The following SORCS1 variants were observed in gnomAD, a reference collection of about 807,000 sequenced individuals.
The protein encoded by SORCS1 is VPS10 domain-containing receptor SorCS1.
SORCS1 carries 60 observed loss-of-function variants against 146.1 expected under a neutral mutation model. The observed-to-expected ratio is 0.41, with a 90% CI of 0.33 to 0.51. The LOEUF is 0.51. SORCS1 is among the 20% of genes least tolerant of loss of function. The pLI is 0.21. For synonymous variants in SORCS1, 637 were observed against 584.0 expected (o/e 1.09, Z -1.31); for missense variants, 1,352 against 1,487.6 (o/e 0.91, Z 1.50).
chr10:106,774,499 T>C (rs966224928), intron 4 of SORCS1, among the ~76,000 whole-genome samples: 1 of 151,880 alleles, frequency 6.6e-6, no homozygotes, highest in Non-Finnish European at 1.5e-5. Flanking sequence ...TTCAGCCAAA[T>C]AGAAAAATTT....
chr10:107,140,152 A>G (rs1383492668), intron 1 of SORCS1, among the ~76,000 whole-genome samples: 1 of 152,244 alleles, frequency 6.6e-6, no homozygotes, highest in Non-Finnish European at 1.5e-5. Context: ...TACCATTCAA[A>G]AAGAAAATAC....
intron 1 of SORCS1, among the ~76,000 whole-genome samples, chr10:106,957,805 A>T (rs1029954380): frequency 1.3e-5 from 2 of 152,232 alleles, no homozygotes; most frequent in African/African-American, 2.4e-5. Context: ...ACTATTTCCA[A>T]CTTTACCCAG....
At chr10:107,062,495 CAGA>C (rs1273234357) in intron 1 of SORCS1, among the ~76,000 whole-genome samples, 1 of 151,880 alleles carries the variant, frequency 6.6e-6, no homozygotes, top group African/African-American at 2.4e-5. Context: ...CTCATGAAAA[CAGA>C]AGGAGATGTA....
chr10:107,051,280 T>G (rs1452372275), intron 1 of SORCS1, among the ~76,000 whole-genome samples: 1 of 152,168 alleles, frequency 6.6e-6, no homozygotes, highest in Non-Finnish European at 1.5e-5. Flanking sequence ...GATGTAATAC[T>G]TCAGATCTTT....
chr10:107,089,651 A>G (rs1012254035), intron 1 of SORCS1, among the ~76,000 whole-genome samples: 7 of 152,234 alleles, frequency 4.6e-5, no homozygotes, highest in African/African-American at 1.7e-4. Context: ...AACAAATGAA[A>G]AAAAGGTAAA....
intron 1 of SORCS1, among the ~76,000 whole-genome samples, chr10:107,052,395 T>C (rs1052250616): frequency 6.6e-6 from 1 of 152,138 alleles, no homozygotes; most frequent in African/African-American, 2.4e-5. Context: ...AGTGGCCATA[T>C]AAATTATCAA....
intron 8 of SORCS1, among the ~76,000 whole-genome samples, chr10:106,700,975 T>C (rs1854096946): frequency 6.6e-6 from 1 of 152,198 alleles, no homozygotes; most frequent in Non-Finnish European, 1.5e-5. Flanking sequence ...TCTCTAGGTA[T>C]CTGCAGGGGG....
At chr10:106,714,544 T>C (rs1033160401) in intron 6 of SORCS1, among the ~76,000 whole-genome samples, 2 of 152,194 alleles carry the variant, frequency 1.3e-5, no homozygotes, top group Admixed American at 1.3e-4. Context: ...TTTCTGTGTA[T>C]CTAAAATTAT....
At chr10:106,940,813 G>A (rs2138741396) in intron 2 of SORCS1, among the ~76,000 whole-genome samples, 1 of 152,352 alleles carries the variant, frequency 6.6e-6, no homozygotes, top group South Asian at 2.1e-4. Flanking sequence ...GAACCCGAGA[G>A]GTGGAGGTTT....
At chr10:106,901,024 C>T (rs561095943) in intron 2 of SORCS1, among the ~76,000 whole-genome samples, 1 of 152,284 alleles carries the variant, frequency 6.6e-6, no homozygotes, top group Non-Finnish European at 1.5e-5. Flanking sequence ...AATGAAAATG[C>T]TCACATATCA....
intron 1 of SORCS1, among the ~76,000 whole-genome samples, chr10:107,161,640 G>A (rs918033805): frequency 6.6e-6 from 1 of 151,878 alleles, no homozygotes; most frequent in African/African-American, 2.4e-5. Flanking sequence ...CCACAAATAA[G>A]CAGAACTAGA....
At chr10:106,707,044 C>T (rs2135813383) in intron 7 of SORCS1, among the ~76,000 whole-genome samples, 1 of 152,256 alleles carries the variant, frequency 6.6e-6, no homozygotes, top group East Asian at 1.9e-4. Flanking sequence ...TGGAGGCTCA[C>T]ATCTCTGGGC....
chr10:106,611,912 T>C lies in SORCS1; in HGVS notation c.3032A>G (p.Glu1011Gly), dbSNP rs1291077195. 2 of 1,611,880 alleles carry C rather than the reference T, an allele frequency of 1.2e-6. No homozygotes were observed. Among genetic ancestry groups the C allele is most frequent in the East Asian group, 2.2e-5 (1 of 44,868 alleles). The change falls in exon 22 of 26, where the codon GAA becomes GGA. Residue 1011 changes from glutamate (E) to glycine (G), a missense_variant and splice_region_variant. Physicochemically the swap from Glu to Gly is moderately conservative, Grantham distance 98. Around this residue, in one of 3 missense-constraint regions of SORCS1, gnomAD observed 214 missense variants for 204.8 expected, o/e 1.05. Coordinates refer to ENST00000263054, the MANE Select transcript of SORCS1 (RefSeq NM_052918.5). ...IGRVIKKSLV[E>G]ATGVPGQHIL... ...AGAGAAGAAACTGTGTGCACTCACT[T>C]CCACCAGGGATTTTTTGATGACTCG...
At chr10:107,057,427 G>A (rs543595338) in intron 1 of SORCS1, among the ~76,000 whole-genome samples, 3 of 152,280 alleles carry the variant, frequency 2.0e-5, no homozygotes, top group African/African-American at 7.2e-5. Context: ...ATCAGTCTCT[G>A]TCTCTTGGGA....
intron 3 of SORCS1, among the ~76,000 whole-genome samples, chr10:106,795,346 C>A (rs1946505727): frequency 6.6e-6 from 1 of 151,928 alleles, no homozygotes; most frequent in Non-Finnish European, 1.5e-5. Context: ...TTCTGAGAAA[C>A]ATACTTTGGG....
intron 9 of SORCS1, among the ~76,000 whole-genome samples, chr10:106,690,302 T>C (rs1387882943): frequency 2.0e-5 from 3 of 152,254 alleles, no homozygotes; most frequent in African/African-American, 7.2e-5. Context: ...CACAAAGTCA[T>C]ACTGGTCCTT....
chr10:106,970,336 C>CTTGTTTTTTTTTT (rs1955713752), intron 1 of SORCS1, among the ~76,000 whole-genome samples: 1 of 89,454 alleles, frequency 1.1e-5, no homozygotes, highest in Non-Finnish European at 2.0e-5. Flanking sequence ...ACCAACATCT[C>CTTGTTTTTTTTTT]TTTTTTTTTT....
intron 5 of SORCS1, among the ~76,000 whole-genome samples, chr10:106,750,055 G>A (rs1451897823): frequency 6.6e-6 from 1 of 152,146 alleles, no homozygotes. Flanking sequence ...ATACAAAGAC[G>A]TGAAGCAAAC....
rs192149257 is a variant in SORCS1 at position 106,784,373 on chromosome 10, C to T, written c.727-7681G>A. Among the ~76,000 whole-genome samples, 348 of 142,066 alleles carry T rather than the reference C, an allele frequency of 2.4e-3. 4 individuals carry two copies. The highest frequency in any genetic ancestry group is 8.8e-3 in the African/African-American group (331 of 37,794). 93.2% of individuals were successfully genotyped at this position (142,066 alleles called of 152,430 possible). The stretch of plus-strand genomic sequence containing the variant: ...TCGCGCCACTGCTCTCCAGCCTGGG[C>T]GACAGAGGGAGACTCCGTCAAAAAA... On this transcript the variant is annotated intron_variant, in intron 3 of 25. Coordinates refer to ENST00000263054, the MANE Select transcript of SORCS1 (RefSeq NM_052918.5).
Sources: gnomAD v4.1 joint callset for allele counts (sites outside exome capture counted in the v4.1 genomes callset) on GRCh38, gnomAD v4.1.1 for gene constraint, gnomAD v4.1.1 regional missense constraint, MANE v1.5 for transcripts, NCBI Gene and HGNC (gene_info 2026-07-23, HGNC 2026-07-21) for gene names.